The following WDPCP variants were observed in gnomAD, a reference collection of about 807,000 sequenced individuals.
The protein encoded by WDPCP is WD repeat containing planar cell polarity effector.
In WDPCP, 71 loss-of-function variants were observed where a neutral mutation model predicts 93.1. The observed-to-expected ratio is 0.76, with a 90% CI of 0.63 to 0.93. WDPCP has a LOEUF of 0.93. Ranked by LOEUF, WDPCP falls within the 40% of genes least tolerant of loss-of-function variation. The probability of loss-of-function intolerance (pLI) is 0.00; values close to 1 mark genes in which losing one functional copy is unlikely to be tolerated. For missense variants in WDPCP, 844 were observed against 887.4 expected (o/e 0.95, Z 0.62); for synonymous variants, 315 against 315.0 (o/e 1.00, Z 0.00).
chr2:63,643,780 A>T (rs1019637280), intron 3 of WDPCP: 3 of 537,830 alleles, frequency 5.6e-6, no homozygotes, highest in African/African-American at 1.9e-5. Context: ...AATGCTGATG[A>T]CATCCATGAA....
At chr2:63,220,884 G>C (rs2104479829) in intron 14 of WDPCP, among the ~76,000 whole-genome samples, 1 of 152,168 alleles carries the variant, frequency 6.6e-6, no homozygotes, top group African/African-American at 2.4e-5. Context: ...GCCCCAGTGT[G>C]TGTTGTTCCC....
chr2:63,216,036 T>A (rs1677305125), intron 14 of WDPCP, among the ~76,000 whole-genome samples: 1 of 152,088 alleles, frequency 6.6e-6, no homozygotes, highest in African/African-American at 2.4e-5. Flanking sequence ...AGAATGGCGA[T>A]CATTAAAAAG....
At chr2:63,581,521 A>T (rs565495045) in intron 1 of WDPCP, among the ~76,000 whole-genome samples, 1 of 152,202 alleles carries the variant, frequency 6.6e-6, no homozygotes, top group Non-Finnish European at 1.5e-5. Context: ...TTTGTGATTC[A>T]CAGTCATTGG....
chr2:63,722,952 C>G (rs1206412858), intron 2 of WDPCP, among the ~76,000 whole-genome samples: 3 of 152,160 alleles, frequency 2.0e-5, no homozygotes, highest in Non-Finnish European at 1.5e-5. Context: ...AAAACTTCTT[C>G]TGCCTTGGGA....
At chr2:63,733,427 C>A (rs1434234151) in intron 2 of WDPCP, among the ~76,000 whole-genome samples, 1 of 146,822 alleles carries the variant, frequency 6.8e-6, no homozygotes, top group African/African-American at 2.5e-5. Flanking sequence ...TGGTCTCGAT[C>A]TCCTGACCTC....
intron 1 of WDPCP, among the ~76,000 whole-genome samples, chr2:63,532,293 T>C (rs757885200): frequency 1.4e-4 from 21 of 152,184 alleles, no homozygotes; most frequent in Non-Finnish European, 2.2e-4. Flanking sequence ...CTCTTCAGGA[T>C]ATTATCCAGG....
intron 12 of WDPCP, among the ~76,000 whole-genome samples, chr2:63,340,946 G>T (rs538775530): frequency 2.0e-5 from 3 of 152,224 alleles, no homozygotes; most frequent in African/African-American, 7.2e-5. Context: ...TACCCCGTAA[G>T]TTTCACTGTT....
At chr2:63,693,625 C>T (rs922553548) in intron 2 of WDPCP, among the ~76,000 whole-genome samples, 5 of 152,048 alleles carry the variant, frequency 3.3e-5, no homozygotes, top group African/African-American at 1.2e-4. Context: ...AAGACCTGAT[C>T]AGAACAGACC....
Position 63,166,317 on chromosome 2 carries a change from G to A in WDPCP, c.2078+8353C>T, listed in dbSNP as rs10170804. Among the ~76,000 whole-genome samples, 823 of 151,728 alleles carry A rather than the reference G, an allele frequency of 5.4e-3. 5 individuals carry two copies. The highest frequency in any genetic ancestry group is 0.019 in the African/African-American group (770 of 41,350). ...CCTGACCTCGTGATTCGCCTGCCTT[G>A]GCCTCCCAAAGTGCTGGGATTACAG... On this transcript the variant is annotated intron_variant, in intron 15 of 17. Coordinates refer to ENST00000272321, the MANE Select transcript of WDPCP (RefSeq NM_015910.7).
chr2:63,255,655 C>T (rs1407193931), intron 14 of WDPCP, among the ~76,000 whole-genome samples: 3 of 152,122 alleles, frequency 2.0e-5, no homozygotes, highest in Non-Finnish European at 4.4e-5. Context: ...CAGATGCCAG[C>T]ACCATACTTC....
intron 14 of WDPCP, among the ~76,000 whole-genome samples, chr2:63,227,634 T>C (rs1278918628): frequency 6.6e-6 from 1 of 152,040 alleles, no homozygotes; most frequent in African/African-American, 2.4e-5. Flanking sequence ...CAAACAGGCA[T>C]GGTTTCAAAA....
chr2:63,250,944 G>A (rs1212589974), intron 14 of WDPCP, among the ~76,000 whole-genome samples: 1 of 152,096 alleles, frequency 6.6e-6, no homozygotes, highest in Admixed American at 6.6e-5. Context: ...CATTTCCACT[G>A]TAACCTCATT....
chr2:63,217,196 T>A (rs1677431404), intron 14 of WDPCP, among the ~76,000 whole-genome samples: 1 of 152,184 alleles, frequency 6.6e-6, no homozygotes, highest in African/African-American at 2.4e-5. Context: ...ATCAAAAGAA[T>A]TTTCTGAGAT....
intron 14 of WDPCP, among the ~76,000 whole-genome samples, chr2:63,199,814 C>T (rs929399267): frequency 6.6e-5 from 10 of 152,186 alleles, no homozygotes; most frequent in African/African-American, 2.2e-4. Context: ...CATCATCCCC[C>T]AGACCCCAGA....
chr2:63,687,538 T>C (rs189904146), intron 2 of WDPCP, among the ~76,000 whole-genome samples: 13 of 152,146 alleles, frequency 8.5e-5, no homozygotes, highest in Admixed American at 5.2e-4. Flanking sequence ...TGCATAGACG[T>C]TTCTCAAAAG....
chr2:63,464,236 A>G (rs546982056), intron 6 of WDPCP, among the ~76,000 whole-genome samples: 1 of 152,318 alleles, frequency 6.6e-6, no homozygotes, highest in East Asian at 1.9e-4. Context: ...AAGATGATAT[A>G]TAAATACCCA....
At chr2:63,221,591 G>A (rs1677837242) in intron 14 of WDPCP, among the ~76,000 whole-genome samples, 1 of 152,130 alleles carries the variant, frequency 6.6e-6, no homozygotes, top group Admixed American at 6.6e-5. Context: ...TGGACGTTGT[G>A]GGTCTTTGCT....
At position 63,200,921 on chromosome 2, in the gene WDPCP, T is replaced by C. The variant is rs571124202; in HGVS notation, c.1916-26089A>G. 7.2e-5 allele frequency among the ~76,000 whole-genome samples: 11 copies of C among 151,954 alleles called. No homozygotes were observed. In the East Asian group the frequency reaches 1.5e-3, roughly 21 times the overall value. On this transcript the variant is annotated intron_variant, in intron 14 of 17. Coordinates refer to ENST00000272321, the MANE Select transcript of WDPCP (RefSeq NM_015910.7). ...TTGGGGGACTGTTAGGAAGGCATGA[T>C]TGTGTTTTGAAATGTGAGAAGGACA...
chr2:63,251,085 C>T (rs377066513), intron 14 of WDPCP, among the ~76,000 whole-genome samples: 2 of 152,000 alleles, frequency 1.3e-5, no homozygotes, highest in East Asian at 1.9e-4. Flanking sequence ...AATAAACTAA[C>T]CCCAAAGATA....
Sources: gnomAD v4.1 joint callset for allele counts (sites outside exome capture counted in the v4.1 genomes callset) on GRCh38, gnomAD v4.1.1 for gene constraint, MANE v1.5 for transcripts, NCBI Gene and HGNC (gene_info 2026-07-23, HGNC 2026-07-21) for gene names.